Variants in ILDR2 observed in about 807,000 individuals in gnomAD.
ILDR2 encodes the protein immunoglobulin-like domain-containing receptor 2.
Under a neutral mutation model 66.8 loss-of-function variants are expected in ILDR2, and 25 were observed. The observed-to-expected ratio is 0.37, with a 90% confidence interval of 0.27 to 0.52. ILDR2 has a LOEUF of 0.52. Among genes scored for constraint, ILDR2 ranks in the 20% least tolerant of loss-of-function variants. The pLI, the probability that ILDR2 is intolerant of heterozygous loss-of-function variation, is 0.88. For synonymous variants in ILDR2, 367 were observed against 357.2 expected (o/e 1.03, Z -0.31); for missense variants, 827 against 876.8 (o/e 0.94, Z 0.72).
chr1:166,944,897 T>C (rs572850735), intron 3 of ILDR2, among the ~76,000 whole-genome samples: 1 of 152,242 alleles, frequency 6.6e-6, no homozygotes, highest in Non-Finnish European at 1.5e-5. Context: ...ACTACCAAGA[T>C]GGAAACCCCT....
rs1212742337 is a variant in ILDR2 at position 166,918,337 on chromosome 1, G to C, written c.*1018C>G. 6.6e-6 allele frequency: 1 copy of C among 152,208 alleles called. No individual in the cohort carries two copies. Among genetic ancestry groups the C allele is most frequent in the Non-Finnish European group, 1.5e-5 (1 of 68,040 alleles). 9.4% of individuals were successfully genotyped at this position (152,208 alleles called of 1,614,324 possible). A position where few individuals can be genotyped will look rare whatever the true frequency, so the allele number is the denominator to read the frequency against. Reference sequence around the variant, plus strand: ...GCAAGTGAAGCACAAAACCGGAAAAGACTGAGTGAAGTTTGTGGGTGAAAT... The same window carrying C: ...GCAAGTGAAGCACAAAACCGGAAAACACTGAGTGAAGTTTGTGGGTGAAAT... On this transcript the variant is annotated 3_prime_UTR_variant, in exon 10 of 10. Transcript: ENST00000271417.
intron 3 of ILDR2, among the ~76,000 whole-genome samples, chr1:166,942,433 C>T (rs1661362750): frequency 6.6e-6 from 1 of 152,232 alleles, no homozygotes. Flanking sequence ...AGAAATGTGT[C>T]TTCAGGGTTT....
At chr1:166,970,274 G>A (rs765950025) in intron 1 of ILDR2, among the ~76,000 whole-genome samples, 1 of 152,126 alleles carries the variant, frequency 6.6e-6, no homozygotes, top group African/African-American at 2.4e-5. Context: ...ATTTGAGGAA[G>A]AGCTCTTCCT....
chr1:166,925,990 C>T (rs1391112308), intron 7 of ILDR2, among the ~76,000 whole-genome samples: 1 of 152,210 alleles, frequency 6.6e-6, no homozygotes, highest in Non-Finnish European at 1.5e-5. Flanking sequence ...AGTGCAGTGA[C>T]ATCTGCATTC....
chr1:166,907,031 G>C (rs559726933), downstream of ILDR2: 1 of 152,394 alleles, frequency 6.6e-6, no homozygotes, highest in Admixed American at 6.5e-5. Flanking sequence ...CCAGGGTTAA[G>C]TAGCTCCCTT....
chr1:166,958,536 G>A (rs1662420419), intron 1 of ILDR2, among the ~76,000 whole-genome samples: 1 of 152,126 alleles, frequency 6.6e-6, no homozygotes, highest in Non-Finnish European at 1.5e-5. Context: ...AGTCTTCTCA[G>A]TCATGCCTCC....
At chr1:166,919,617 C>T (rs540371483) in intron 9 of ILDR2, among the ~76,000 whole-genome samples, 5 of 152,320 alleles carry the variant, frequency 3.3e-5, no homozygotes, top group Admixed American at 3.3e-4. Context: ...TAACTTCTCA[C>T]CCCCTTTAGG....
Position 166,910,627 on chromosome 1 carries a change from C to T in ILDR2, c.*8728G>A, listed in dbSNP as rs769297651. ...TTCCTAGCTACTTCTACACCTCATG[C>T]CATTTTTGGTGAGTCATCTTAGGCC... On this transcript the variant is annotated 3_prime_UTR_variant, in exon 10 of 10. Transcript: ENST00000271417. 6.6e-6 allele frequency: 1 copy of T among 152,142 alleles called. No homozygotes were observed. The highest frequency in any genetic ancestry group is 1.5e-5 in the Non-Finnish European group (1 of 68,024). The allele number at this position is 152,142 out of a possible 1,614,324, so 9.4% of individuals were successfully genotyped here. A position where few individuals can be genotyped will look rare whatever the true frequency, so the allele number is the denominator to read the frequency against.
intron 3 of ILDR2, 78 bp downstream of exon 3, chr1:166,956,655 A>T: frequency 6.6e-7 from 1 of 1,519,594 alleles, no homozygotes; most frequent in Admixed American, 1.8e-5. Flanking sequence ...CACACAGGGG[A>T]GAAGTGAGAA....
chr1:166,931,956 G>A (rs779695200), intron 6 of ILDR2, among the ~76,000 whole-genome samples: 7 of 152,130 alleles, frequency 4.6e-5, no homozygotes, highest in East Asian at 1.9e-4. Flanking sequence ...TTGGATATAC[G>A]GTATTGAGGA....
At chr1:166,949,779 C>T (rs1384811886) in intron 3 of ILDR2, among the ~76,000 whole-genome samples, 3 of 152,158 alleles carry the variant, frequency 2.0e-5, no homozygotes, top group Non-Finnish European at 4.4e-5. Context: ...CCCTTCAATG[C>T]ATTTTTTTTC....
chr1:166,969,591 A>C (rs539786935), intron 1 of ILDR2, among the ~76,000 whole-genome samples: 1 of 152,146 alleles, frequency 6.6e-6, no homozygotes, highest in South Asian at 2.1e-4. Context: ...AGTCCTCTTC[A>C]TTCGCTCCTT....
chr1:166,951,510 A>C (rs992136756), intron 3 of ILDR2, among the ~76,000 whole-genome samples: 1 of 152,240 alleles, frequency 6.6e-6, no homozygotes, highest in Non-Finnish European at 1.5e-5. Context: ...CTTACAATAA[A>C]AGAGTTCTGA....
downstream of ILDR2, among the ~76,000 whole-genome samples, chr1:166,907,527 G>A (rs1359195187): frequency 6.6e-6 from 1 of 152,066 alleles, no homozygotes; most frequent in Non-Finnish European, 1.5e-5. Context: ...TTAATAAATG[G>A]AGTCTCCCCA....
At position 166,899,117 on chromosome 1, in the gene ILDR2, C is replaced by T. The variant is rs80077300; in HGVS notation, n.172-3016G>A. Among the ~76,000 whole-genome samples, 1,058 of 151,794 alleles carry T rather than the reference C, an allele frequency of 7.0e-3. 10 individuals carry two copies. The highest frequency in any genetic ancestry group is 0.024 in the African/African-American group (1,012 of 41,404). ...GATGAAAAAGACATGATTGGCCGGG[C>T]GCAATGGCTCACGCCTGTAATCCCA... is the stretch of plus-strand genomic sequence containing the variant. On this transcript the variant is annotated intron_variant and non_coding_transcript_variant, in intron 2 of 2. Transcript: ENST00000414590.
intron 1 of ILDR2, 37 bp downstream of exon 1, chr1:166,975,186 T>C (rs757911756): frequency 1.9e-6 from 3 of 1,546,010 alleles, no homozygotes; most frequent in South Asian, 1.1e-5. Context: ...TACAGGAATA[T>C]ACAAAGTTAT....
chr1:166,935,381 G>C lies in ILDR2; in HGVS notation c.800C>G (p.Ala267Gly). ...GTCCATCAGCATGCCAGATGAGGGGGCTCCTCCCAAAGGGACAGAGGGGAT... is the reference window on the plus strand; with the variant it reads ...GTCCATCAGCATGCCAGATGAGGGGCCTCCTCCCAAAGGGACAGAGGGGAT... Reference protein sequence around the residue: ...YSIPSVPLGGAPSSGMLMDKP... With the variant: ...YSIPSVPLGGGPSSGMLMDKP... The change falls in exon 6 of 10, where the codon GCC (alanine) becomes GGC (glycine). Residue 267 changes from alanine (A) to glycine (G), a missense_variant. Transcript: ENST00000271417. 1 of 1,614,134 alleles carries C rather than the reference G, an allele frequency of 6.2e-7. No individual in the cohort carries two copies. The highest frequency in any genetic ancestry group is 8.5e-7 in the Non-Finnish European group (1 of 1,180,016).
chr1:166,962,054 G>C (rs1662649893), intron 1 of ILDR2, among the ~76,000 whole-genome samples: 1 of 152,186 alleles, frequency 6.6e-6, no homozygotes, highest in African/African-American at 2.4e-5. Flanking sequence ...TGAGTTTATT[G>C]GATCTTTGAG....
chr1:166,914,283 G>A lies in ILDR2; in HGVS notation c.*5072C>T, dbSNP rs1396947630. On this transcript the variant is annotated 3_prime_UTR_variant, in exon 10 of 10. Coordinates refer to ENST00000271417, the MANE Select transcript of ILDR2 (RefSeq NM_199351.3). ...TCCATGACATATGAACAAGCATCAA[G>A]TCTACGGCTCTTCTCACCAGATGTC... is the stretch of plus-strand genomic sequence containing the variant. 1 of 152,140 alleles carries A rather than the reference G, an allele frequency of 6.6e-6. No individual in the cohort carries two copies. The highest frequency in any genetic ancestry group is 1.5e-5 in the Non-Finnish European group (1 of 68,038). 9.4% of individuals were successfully genotyped at this position (152,140 alleles called of 1,614,324 possible). A position where few individuals can be genotyped will look rare whatever the true frequency, so the allele number is the denominator to read the frequency against.
Sources: allele counts gnomAD v4.1 joint callset (sites outside exome capture counted in the v4.1 genomes callset), GRCh38; gene constraint gnomAD v4.1.1; transcripts MANE v1.5; gene names NCBI Gene and HGNC (gene_info 2026-07-23, HGNC 2026-07-21).